Variants in CADM2 observed in about 807,000 individuals in gnomAD.
The protein encoded by CADM2 is cell adhesion molecule 2.
CADM2 carries 12 observed loss-of-function variants against 49.8 expected under a neutral mutation model. The observed-to-expected ratio is 0.24, with a 90% CI of 0.15 to 0.39. CADM2 has a LOEUF of 0.39. CADM2 is among the 10% of genes least tolerant of loss of function. CADM2 has a pLI of 1.00. For missense variants in CADM2, 378 were observed against 492.3 expected (o/e 0.77, Z 2.20); for synonymous variants, 214 against 175.4 (o/e 1.22, Z -1.74).
At chr3:85,767,750 C>T (rs1446120643) in intron 2 of CADM2, among the ~76,000 whole-genome samples, 1 of 152,036 alleles carries the variant, frequency 6.6e-6, no homozygotes, top group Admixed American at 6.6e-5. Flanking sequence ...GGTCTGGCCA[C>T]ATTAAAAAGT....
chr3:85,622,039 G>A (rs570598410), intron 1 of CADM2, among the ~76,000 whole-genome samples: 1 of 152,248 alleles, frequency 6.6e-6, no homozygotes, highest in South Asian at 2.1e-4. Context: ...CACAAAAACT[G>A]TAAGCTTAGA....
At chr3:85,391,287 G>A (rs754167551) in intron 1 of CADM2, among the ~76,000 whole-genome samples, 8 of 151,984 alleles carry the variant, frequency 5.3e-5, no homozygotes, top group Non-Finnish European at 1.2e-4. Flanking sequence ...ACGGAAAAAA[G>A]GAAGCACAGA....
intron 1 of CADM2, among the ~76,000 whole-genome samples, chr3:85,501,326 T>G (rs2040107756): frequency 6.6e-6 from 1 of 152,220 alleles, no homozygotes; most frequent in Non-Finnish European, 1.5e-5. Flanking sequence ...AGAATGACAC[T>G]TAAGCCTTAG....
At chr3:85,208,644 G>A (rs2041707378) in intron 1 of CADM2, among the ~76,000 whole-genome samples, 1 of 152,100 alleles carries the variant, frequency 6.6e-6, no homozygotes, top group Admixed American at 6.5e-5. Context: ...GAATGACAGA[G>A]GTAAAGAGGA....
At chr3:85,635,737 A>ATG (rs528427436) in intron 1 of CADM2, among the ~76,000 whole-genome samples, 159 of 152,240 alleles carry the variant, frequency 1.0e-3, no homozygotes, top group Non-Finnish European at 1.9e-3. Context: ...TGTATTTGTA[A>ATG]TGTATGATAG....
At chr3:85,931,073 A>G (rs950623496) in intron 6 of CADM2, among the ~76,000 whole-genome samples, 4 of 152,060 alleles carry the variant, frequency 2.6e-5, no homozygotes, top group African/African-American at 9.7e-5. Flanking sequence ...GATAAGATAT[A>G]TCACAAATTT....
chr3:86,007,725 C>T (rs1213795747), intron 8 of CADM2, among the ~76,000 whole-genome samples: 1 of 152,130 alleles, frequency 6.6e-6, no homozygotes, highest in Admixed American at 6.5e-5. Context: ...CTAAAGAGTG[C>T]AATACTATCA....
At chr3:85,434,705 A>C (rs2036844291) in intron 1 of CADM2, among the ~76,000 whole-genome samples, 1 of 152,188 alleles carries the variant, frequency 6.6e-6, no homozygotes, top group Non-Finnish European at 1.5e-5. Flanking sequence ...GTCACTTTGA[A>C]GTCAATTTTA....
Position 84,959,274 on chromosome 3 carries a change from G to C in CADM2, c.-334G>C. On this transcript the variant is annotated 5_prime_UTR_variant, in exon 1 of 10. Coordinates refer to ENST00000383699, the MANE Select transcript of CADM2 (RefSeq NM_001167675.2). ...CCCGGCATCCCTGCACCACCTGCTC[G>C]GGCAGCCCCGGCGGGCTCTGGGACT... 4.3e-6 allele frequency: 2 copies of C among 464,588 alleles called. No homozygotes were observed. The highest frequency in any genetic ancestry group is 2.4e-5 in the South Asian group (1 of 42,234). The allele number at this position is 464,588 out of a possible 1,614,324, so 28.8% of individuals were successfully genotyped here. A position where few individuals can be genotyped will look rare whatever the true frequency, so the allele number is the denominator to read the frequency against.
At chr3:85,942,141 A>C (rs1260312478) in intron 7 of CADM2, among the ~76,000 whole-genome samples, 1 of 152,002 alleles carries the variant, frequency 6.6e-6, no homozygotes, top group Non-Finnish European at 1.5e-5. Flanking sequence ...TGTTTTTCAC[A>C]ATAACTCAAT....
intron 1 of CADM2, among the ~76,000 whole-genome samples, chr3:85,291,621 G>A (rs1372277287): frequency 1.4e-5 from 2 of 146,980 alleles, no homozygotes; most frequent in African/African-American, 5.4e-5. Context: ...AGAAGAGAGT[G>A]GGGGCCAATA....
intron 1 of CADM2, among the ~76,000 whole-genome samples, chr3:85,654,783 A>G (rs1348862924): frequency 6.6e-6 from 1 of 152,210 alleles, no homozygotes; most frequent in East Asian, 1.9e-4. Context: ...TTTTATGTGC[A>G]TAATCCAAGT....
At chr3:86,031,339 T>C (rs1030948086) in intron 8 of CADM2, among the ~76,000 whole-genome samples, 3 of 151,758 alleles carry the variant, frequency 2.0e-5, no homozygotes, top group Admixed American at 6.6e-5. Flanking sequence ...AATTTCAAAT[T>C]ATAAACATTA....
intron 8 of CADM2, among the ~76,000 whole-genome samples, chr3:85,985,088 G>C (rs912664585): frequency 6.6e-6 from 1 of 151,948 alleles, no homozygotes; most frequent in South Asian, 2.1e-4. Flanking sequence ...GCCTTGGTCT[G>C]TTTGGGGTGC....
chr3:85,755,537 C>T (rs770357761), intron 2 of CADM2, among the ~76,000 whole-genome samples: 25 of 152,052 alleles, frequency 1.6e-4, no homozygotes, highest in Non-Finnish European at 3.1e-4. Flanking sequence ...TCTTGCACTA[C>T]TATAAAGATT....
chr3:85,078,997 C>A (rs2037058457), intron 1 of CADM2, among the ~76,000 whole-genome samples: 1 of 151,628 alleles, frequency 6.6e-6, no homozygotes. Flanking sequence ...CATTTTACTG[C>A]AATACATTTT....
At chr3:85,811,855 A>AT (rs1434521167) in intron 3 of CADM2, among the ~76,000 whole-genome samples, 43 of 128,244 alleles carry the variant, frequency 3.4e-4, no homozygotes, top group South Asian at 9.7e-4. Context: ...AAATGCCTTG[A>AT]TGTTTTTTTT....
chr3:85,558,325 A>C (rs572328265), intron 1 of CADM2, among the ~76,000 whole-genome samples: 1 of 152,178 alleles, frequency 6.6e-6, no homozygotes, highest in East Asian at 1.9e-4. Flanking sequence ...TTTAGCTTTC[A>C]TAGTTTGCAG....
At chr3:85,537,598 G>A (rs9713905) in intron 1 of CADM2, among the ~76,000 whole-genome samples, 46,329 of 151,572 alleles carry the variant, frequency 0.31, 8,107 homozygotes, top group East Asian at 0.55. Context: ...TTTGGTGATT[G>A]TAGATTATGC....
Sources: allele counts gnomAD v4.1 joint callset (sites outside exome capture counted in the v4.1 genomes callset), GRCh38; gene constraint gnomAD v4.1.1; transcripts MANE v1.5; gene names NCBI Gene and HGNC (gene_info 2026-07-23, HGNC 2026-07-21).